The following EEF2 variants were observed in gnomAD, a reference collection of about 807,000 sequenced individuals.
The protein encoded by EEF2 is eukaryotic translation elongation factor 2.
In EEF2, 21 loss-of-function variants were observed where a neutral mutation model predicts 85.3. That is an observed-to-expected ratio of 0.25 (90% confidence interval 0.17 to 0.35). The LOEUF (loss-of-function observed/expected upper bound fraction) is 0.35. EEF2 is among the 10% of genes least tolerant of loss of function. The probability of loss-of-function intolerance (pLI) is 1.00; values close to 1 mark genes in which losing one functional copy is unlikely to be tolerated. For synonymous variants in EEF2, 723 were observed against 508.8 expected (o/e 1.42, Z -5.67); for missense variants, 825 against 1,225.3 (o/e 0.67, Z 4.88).
rs2039775232 is a variant in EEF2 at position 3,983,016 on chromosome 19, C to T, written c.403G>A (p.Val135Met). ...AGCACTGTCTCCGTCTGCACGCACA[C>T]GCCTGGGGACACGGGGGACAGGGCG... ...ALVVVDCVSGVCVQTETVLRQ... is the reference protein window; with the variant it reads ...ALVVVDCVSGMCVQTETVLRQ... The change falls in exon 4 of 15, where the codon GTG becomes ATG. Residue 135 changes from valine to methionine, a missense_variant and splice_region_variant. Physicochemically the swap from Val to Met is conservative, Grantham distance 21. Transcript: ENST00000309311. 2 of 1,612,842 alleles carry T rather than the reference C, an allele frequency of 1.2e-6. No homozygotes were observed. Among genetic ancestry groups the T allele is most frequent in the Non-Finnish European group, 8.5e-7 (1 of 1,179,908 alleles).
chr19:3,978,872 A>T (rs1055751277), intron 11 of EEF2, among the ~76,000 whole-genome samples: 5 of 148,392 alleles, frequency 3.4e-5, no homozygotes, highest in South Asian at 2.1e-4. Context: ...CTGTAATCCC[A>T]GCACTTTGGG....
chr19:3,983,983 C>G, intron 2 of EEF2, 153 bp downstream of exon 2: 1 of 790,572 alleles, frequency 1.3e-6, no homozygotes, highest in Non-Finnish European at 2.0e-6. Flanking sequence ...TCCATCCTGT[C>G]TCGCTGGACT....
At chr19:3,982,705 G>T in intron 4 of EEF2, 102 bp downstream of exon 4, 2 of 1,338,196 alleles carry the variant, frequency 1.5e-6, no homozygotes, top group South Asian at 1.3e-5. Context: ...AACATTCCTG[G>T]CAAAAACACA....
chr19:3,980,092 G>A (rs768082521), intron 9 of EEF2, 26 bp from the exon 10 acceptor site: 10 of 1,604,562 alleles, frequency 6.2e-6, no homozygotes, highest in African/African-American at 1.3e-5. Context: ...GGCGGCAGCA[G>A]GCCGCAGGGA....
At position 3,979,933 on chromosome 19, in the gene EEF2, T is replaced by A; in HGVS notation, c.1480A>T (p.Met494Leu). 6.2e-7 allele frequency: 1 copy of A among 1,613,928 alleles called. No individual in the cohort carries two copies. Among genetic ancestry groups the A allele is most frequent in the African/African-American group, 1.3e-5 (1 of 75,066 alleles). Residue 494 changes from methionine (M) to leucine (L), a missense_variant, in exon 10 of 15, where the codon ATG (methionine) becomes TTG (leucine). Met to Leu is a conservative substitution (Grantham distance 15). Coordinates refer to ENST00000309311, the MANE Select transcript of EEF2 (RefSeq NM_001961.4). ...CTGACGCTGAACTTCATCACCCGCA[T>A]GTTGTGCGCGTGCTCGAAGGTGGTG... Reference protein sequence around the residue: ...TITTFEHAHNMRVMKFSVSPV... With the variant: ...TITTFEHAHNLRVMKFSVSPV...
At chr19:3,980,736 T>G in intron 8 of EEF2, 27 bp from the exon 9 acceptor site, 1 of 1,608,578 alleles carries the variant, frequency 6.2e-7, no homozygotes. Flanking sequence ...ACCCGCAAGC[T>G]TTATTCCAGT....
In EEF2 at chr19:3,979,793, G is replaced by A; in HGVS notation, c.1605+15C>T. The A allele has an allele frequency of 6.2e-7, 1 of 1,606,930 alleles. No homozygotes were observed. The highest frequency in any genetic ancestry group is 8.5e-7 in the Non-Finnish European group (1 of 1,175,910). ...CTCAGGGTGTCTGCTCCCAGCAGGT[G>A]CACTCCGTGCCCACCTGCACCATGG... On this transcript the variant is annotated intron_variant, in intron 10 of 14. Coordinates refer to ENST00000309311, the MANE Select transcript of EEF2 (RefSeq NM_001961.4).
intron 6 of EEF2, among the ~76,000 whole-genome samples, 163 bp from the exon 7 acceptor site, chr19:3,981,615 G>A (rs559229362): frequency 9.8e-5 from 15 of 152,334 alleles, no homozygotes; most frequent in African/African-American, 3.4e-4. Context: ...TGAGCGGATC[G>A]GGAGCTGGAG....
chr19:3,983,314 A>G, intron 2 of EEF2, 23 bp from the exon 3 acceptor site: 6 of 1,607,322 alleles, frequency 3.7e-6, no homozygotes, highest in Non-Finnish European at 5.1e-6. Flanking sequence ...GGGACTCGTC[A>G]GGGGGACAGG....
intron 2 of EEF2, chr19:3,983,845 T>C: frequency 2.1e-6 from 1 of 469,236 alleles, no homozygotes; most frequent in Non-Finnish European, 3.9e-6. Context: ...CCCTCCCAGG[T>C]GTGACAGCCA....
intron 7 of EEF2, 84 bp from the exon 8 acceptor site, chr19:3,981,063 A>G: frequency 6.7e-7 from 1 of 1,495,412 alleles, no homozygotes; most frequent in Non-Finnish European, 8.9e-7. Context: ...CTTGAAGCCA[A>G]GGAAGCCAAA....
intron 14 of EEF2, 142 bp from the exon 15 acceptor site, chr19:3,976,889 A>T: frequency 9.3e-7 from 1 of 1,076,116 alleles, no homozygotes; most frequent in Non-Finnish European, 1.3e-6. Flanking sequence ...GCACTTCACG[A>T]AGGGCCTAGC....
chr19:3,983,279 G>C lies in EEF2; in HGVS notation c.231C>G (p.Leu77=), dbSNP rs939552108. The C allele has an allele frequency of 1.9e-6, 3 of 1,613,502 alleles. No homozygotes were observed. The change falls in exon 3 of 15, where the codon CTC becomes CTG. Residue 77 remains leucine (L), a synonymous_variant. Transcript: ENST00000309311. The part of the protein sequence containing the change: ...CITIKSTAIS[L]FYELSENDLN... ...AGTCATTCTCCGAGAGCTCGTAGAA[G>C]AGGGAGATGGCACTGATGGAGGGAG...
In EEF2 at chr19:3,982,915, C is replaced by T. The variant is rs761363591; in HGVS notation, c.504G>A (p.Gln168=). Residue 168 remains glutamine (Q), a synonymous_variant, in exon 4 of 15, where the codon CAG becomes CAA. Coordinates refer to ENST00000309311, the MANE Select transcript of EEF2 (RefSeq NM_001961.4). ...TCTGGTAGAGCTCCTCGGGCTCCAG[C>T]TGCAGCTCCAGCAGGGCGCGGTCCA... The part of the protein sequence containing the change: ...NKMDRALLEL[Q]LEPEELYQTF... The T allele has an allele frequency of 1.9e-6, 3 of 1,613,630 alleles. No homozygotes were observed. Among genetic ancestry groups the T allele is most frequent in the Non-Finnish European group, 2.5e-6 (3 of 1,180,004 alleles).
chr19:3,981,110 G>A lies in EEF2; in HGVS notation c.1012-131C>T, dbSNP rs368904250. Reference sequence around the variant, plus strand: ...CGTTCTCCAAAGCACAGTCCCTTCTGGAAGGCGGCAAAGGCCATGCACACT... The same window carrying A: ...CGTTCTCCAAAGCACAGTCCCTTCTAGAAGGCGGCAAAGGCCATGCACACT... On this transcript the variant is annotated intron_variant, in intron 7 of 14. Transcript: ENST00000309311. The A allele has an allele frequency of 1.1e-4, 151 of 1,412,356 alleles. 1 individual carries two copies. The East Asian group carries it at 3.2e-3, about 30-fold the overall frequency. 87.5% of individuals were successfully genotyped at this position (1,412,356 alleles called of 1,614,324 possible). A position where few individuals can be genotyped will look rare whatever the true frequency, so the allele number is the denominator to read the frequency against.
intron 11 of EEF2, 33 bp downstream of exon 11, chr19:3,979,296 G>T: frequency 6.4e-7 from 1 of 1,561,948 alleles, no homozygotes. Context: ...GTCCGGGGTG[G>T]GGCGTGGGGA....
At position 3,984,249 on chromosome 19, in the gene EEF2, C is replaced by T. The variant is rs774234871; in HGVS notation, c.105G>A (p.Leu35=). The T allele has an allele frequency of 1.2e-6, 2 of 1,614,066 alleles. No individual in the cohort carries two copies. The highest frequency in any genetic ancestry group is 3.3e-5 in the Admixed American group (2 of 60,010). ...IAHVDHGKST[L]TDSLVCKAGI... ...CCGCCTTGCACACCAGGGAGTCTGTCAGCGTGGACTTGCCATGGTCCACGT... is the reference window on the plus strand; with the variant it reads ...CCGCCTTGCACACCAGGGAGTCTGTTAGCGTGGACTTGCCATGGTCCACGT... Residue 35 remains leucine, a synonymous_variant, in exon 2 of 15, where the codon CTG becomes CTA. Transcript: ENST00000309311.
In EEF2 at chr19:3,980,624, G is replaced by T. The variant is rs534809447; in HGVS notation, c.1236C>A (p.Ala412=). 1.9e-6 allele frequency: 3 copies of T among 1,614,242 alleles called. No homozygotes were observed. In the East Asian group the frequency reaches 6.7e-5, roughly 36 times the overall value. ...CCAGCCCCGAGAAGACTCGTCCAAA[G>T]GCGTAGAACCGACCTTTGTCGGAGG... ...VPTSDKGRFY[A]FGRVFSGLVS... Residue 412 remains alanine, a synonymous_variant, in exon 9 of 15, where the codon GCC becomes GCA. Coordinates refer to ENST00000309311, the MANE Select transcript of EEF2 (RefSeq NM_001961.4).
In EEF2 at chr19:3,977,409, G is replaced by T. The variant is rs1204127401; in HGVS notation, c.2250+19C>A. ...GGGCAGGACGGTGGCAGGGTCAGCG[G>T]TGGGCGGGTAGACCTCACCTGGATC... On this transcript the variant is annotated intron_variant, in intron 13 of 14. Transcript: ENST00000309311. The surrounding 1 kb of genome is among the most constrained non-coding windows in gnomAD (Gnocchi z 5.4). 1 of 1,587,318 alleles carries T rather than the reference G, an allele frequency of 6.3e-7. No homozygotes were observed. The highest frequency in any genetic ancestry group is 8.6e-7 in the Non-Finnish European group (1 of 1,166,182).
Sources: gnomAD v4.1 joint callset for allele counts (sites outside exome capture counted in the v4.1 genomes callset) on GRCh38, gnomAD v4.1.1 for gene constraint, Gnocchi (gnomAD v3.1) non-coding constraint, MANE v1.5 for transcripts, NCBI Gene and HGNC (gene_info 2026-07-23, HGNC 2026-07-21) for gene names.